PLEKHA5: variants seen among roughly 807,000 people sequenced by gnomAD.
The protein encoded by PLEKHA5 is pleckstrin homology domain containing A5, also known as pleckstrin homology domain-containing family A member 5.
Under a neutral mutation model 181.9 loss-of-function variants are expected in PLEKHA5, and 55 were observed. That is an observed-to-expected ratio of 0.30 (90% CI 0.24 to 0.38). The LOEUF (loss-of-function observed/expected upper bound fraction) is 0.38, where lower values mean the gene tolerates loss of function less well. Among genes scored for constraint, PLEKHA5 ranks in the 10% least tolerant of loss-of-function variants. The pLI, the probability that PLEKHA5 is intolerant of heterozygous loss-of-function variation, is 1.00. For missense variants in PLEKHA5, 1,432 were observed against 1,549.5 expected, an observed-to-expected ratio of 0.92 and a Z score of 1.27; for synonymous variants, 535 against 529.4, an observed-to-expected ratio of 1.01 and a Z score of -0.15.
chr12:19,348,569 AT>A, intron 25 of PLEKHA5, 50 bp downstream of exon 25: 1 of 1,411,564 alleles, frequency 7.1e-7, no homozygotes, highest in East Asian at 2.5e-5. Context: ...TTTGAAGACA[AT>A]TTACTGCCAA....
rs1286457154 is a variant in PLEKHA5, at chr12:19,359,509, A to G, written c.3446A>G (p.Lys1149Arg). The G allele has an allele frequency of 3.1e-6, 5 of 1,614,078 alleles. No homozygotes were observed. The East Asian group carries it at 8.9e-5, about 29-fold the overall frequency. ...ETPATEIVQL[K>R]ETEPQNVDFS... is the part of the protein sequence containing the mutation. ...CCTGCAACAGAAATTGTTCAACTAA[A>G]AGAAACCGAACCCCAAAATGTGGAC... Residue 1149 changes from lysine to arginine, a missense_variant, in exon 28 of 32, where the codon AAA becomes AGA. Lys to Arg is a conservative substitution (Grantham distance 26). Coordinates refer to ENST00000429027, the MANE Select transcript of PLEKHA5 (RefSeq NM_001256470.2).
At chr12:19,355,897 A>G (rs2094899210) in intron 26 of PLEKHA5, among the ~76,000 whole-genome samples, 2 of 152,032 alleles carry the variant, frequency 1.3e-5, no homozygotes, top group African/African-American at 4.8e-5. Flanking sequence ...GCTGTAGCTT[A>G]CACCTGTCAT....
At chr12:19,271,487 G>A (rs1468583413) in intron 10 of PLEKHA5, among the ~76,000 whole-genome samples, 1 of 152,020 alleles carries the variant, frequency 6.6e-6, no homozygotes, top group Non-Finnish European at 1.5e-5. Context: ...CTAGACAACG[G>A]AGTGAGACCC....
At chr12:19,164,601 T>A (rs1157423196) in intron 3 of PLEKHA5, among the ~76,000 whole-genome samples, 1 of 152,152 alleles carries the variant, frequency 6.6e-6, no homozygotes, top group Non-Finnish European at 1.5e-5. Context: ...AAAATCCCCT[T>A]CTTTACCTGG....
intron 3 of PLEKHA5, among the ~76,000 whole-genome samples, chr12:19,175,204 CTG>C (rs1216582552): frequency 1.3e-5 from 2 of 152,130 alleles, no homozygotes; most frequent in African/African-American, 4.8e-5. Context: ...CGAGTGTAAA[CTG>C]TGAAAATAGT....
At chr12:19,316,830 ATG>A (rs2088968829) in intron 16 of PLEKHA5, among the ~76,000 whole-genome samples, 1 of 152,174 alleles carries the variant, frequency 6.6e-6, no homozygotes, top group Non-Finnish European at 1.5e-5. Flanking sequence ...TTCCCTCATC[ATG>A]TTATTATCCA....
chr12:19,226,208 G>A (rs2059663625), intron 3 of PLEKHA5, among the ~76,000 whole-genome samples: 1 of 152,080 alleles, frequency 6.6e-6, no homozygotes, highest in Non-Finnish European at 1.5e-5. Flanking sequence ...GATCTTTTGT[G>A]TCTAGCTTTT....
At chr12:19,324,974 T>C (rs1030505979) in intron 20 of PLEKHA5, among the ~76,000 whole-genome samples, 39 of 152,324 alleles carry the variant, frequency 2.6e-4, no homozygotes, top group African/African-American at 9.4e-4. Flanking sequence ...AAATTCCGAT[T>C]TTAGGGAATC....
chr12:19,209,154 A>G (rs923216744), intron 3 of PLEKHA5, among the ~76,000 whole-genome samples: 2 of 152,162 alleles, frequency 1.3e-5, no homozygotes, highest in Non-Finnish European at 2.9e-5. Flanking sequence ...AAGAACTCCT[A>G]TCAGAGCAAC....
chr12:19,363,810 A>C (rs545720178), intron 29 of PLEKHA5, among the ~76,000 whole-genome samples: 57 of 152,250 alleles, frequency 3.7e-4, no homozygotes, highest in Admixed American at 1.4e-3. Flanking sequence ...CCTTAAGAGT[A>C]TATCTTCAAT....
chr12:19,270,161 C>G (rs2072168763), intron 9 of PLEKHA5, 27 bp from the exon 10 acceptor site: 2 of 1,406,152 alleles, frequency 1.4e-6, no homozygotes, highest in Non-Finnish European at 1.9e-6. Flanking sequence ...TCCTAACATT[C>G]AAACTGAATG....
intron 16 of PLEKHA5, among the ~76,000 whole-genome samples, chr12:19,319,274 TTAAA>T (rs929863047): frequency 6.6e-6 from 1 of 152,210 alleles, no homozygotes; most frequent in Non-Finnish European, 1.5e-5. Context: ...CTGCATACCC[TTAAA>T]TAGTCACAGA....
rs540444641 is a variant in PLEKHA5 at position 19,131,602 on chromosome 12, T to A, written c.170-791T>A. 4.3e-4 allele frequency among the ~76,000 whole-genome samples: 66 copies of A among 152,306 alleles called. No homozygotes were observed. In the South Asian group the frequency reaches 7.5e-3, roughly 17 times the overall value. On this transcript the variant is annotated intron_variant, in intron 2 of 31. Coordinates refer to ENST00000429027, the MANE Select transcript of PLEKHA5 (RefSeq NM_001256470.2). ...TGGAATTATGAGTGATATAAATAAG[T>A]GTCCTAGTTAACCCCACAGATTTGG...
intron 3 of PLEKHA5, among the ~76,000 whole-genome samples, chr12:19,169,280 G>C (rs1322750140): frequency 6.6e-6 from 1 of 151,888 alleles, no homozygotes; most frequent in Non-Finnish European, 1.5e-5. Flanking sequence ...AAAAAAAAGA[G>C]GGTTGTAAAC....
At chr12:19,256,503 C>T (rs977091024) in intron 5 of PLEKHA5, among the ~76,000 whole-genome samples, 2 of 152,092 alleles carry the variant, frequency 1.3e-5, no homozygotes, top group Non-Finnish European at 2.9e-5. Context: ...GTAGATTGAT[C>T]TTTGTGTATC....
chr12:19,253,832 A>C, intron 3 of PLEKHA5, 108 bp from the exon 4 acceptor site: 1 of 788,854 alleles, frequency 1.3e-6, no homozygotes, highest in Non-Finnish European at 2.1e-6. Flanking sequence ...AAAACAAAAA[A>C]AAAGGCTGGA....
intron 10 of PLEKHA5, among the ~76,000 whole-genome samples, chr12:19,272,368 A>G (rs7137871): frequency 3.1e-4 from 47 of 152,254 alleles, no homozygotes; most frequent in African/African-American, 1.0e-3. Flanking sequence ...AAGTCATCAT[A>G]TGTGTCTTTT....
chr12:19,163,553 G>A (rs573546216), intron 3 of PLEKHA5, among the ~76,000 whole-genome samples: 1 of 152,200 alleles, frequency 6.6e-6, no homozygotes, highest in South Asian at 2.1e-4. Flanking sequence ...TGAGATGAAG[G>A]TTATGTACCT....
At chr12:19,340,102 G>A (rs2093739075) in intron 21 of PLEKHA5, among the ~76,000 whole-genome samples, 1 of 152,006 alleles carries the variant, frequency 6.6e-6, no homozygotes, top group Non-Finnish European at 1.5e-5. Context: ...CTCAATGAAG[G>A]CAACATAGAC....
Sources: gnomAD v4.1 joint callset for allele counts (sites outside exome capture counted in the v4.1 genomes callset) on GRCh38, gnomAD v4.1.1 for gene constraint, MANE v1.5 for transcripts, NCBI Gene and HGNC (gene_info 2026-07-23, HGNC 2026-07-21) for gene names.